MCMBP: variants seen among roughly 807,000 people sequenced by gnomAD.
MCMBP encodes the protein mini-chromosome maintenance complex-binding protein.
MCMBP carries 31 observed loss-of-function variants against 81.3 expected under a neutral mutation model. The observed-to-expected ratio is 0.38, with a 90% CI of 0.29 to 0.51. MCMBP has a LOEUF of 0.51. Ranked by LOEUF, MCMBP falls within the 20% of genes least tolerant of loss-of-function variation. MCMBP has a pLI of 0.87. For synonymous variants in MCMBP, 267 were observed against 275.9 expected, an observed-to-expected ratio of 0.97 and a Z score of 0.32; for missense variants, 645 against 772.1, an observed-to-expected ratio of 0.84 and a Z score of 1.95.
intron 13 of MCMBP, among the ~76,000 whole-genome samples, chr10:119,835,923 G>A (rs925069874): frequency 5.9e-5 from 9 of 152,078 alleles, no homozygotes; most frequent in African/African-American, 2.2e-4. Flanking sequence ...ACTGCAACCT[G>A]CTTCCCAGGC....
Position 119,872,589 on chromosome 10 carries a change from CCAGGGG to C in MCMBP, c.-11_-6del. On this transcript the variant is annotated 5_prime_UTR_variant, in exon 1 of 16. Coordinates refer to ENST00000369077, the MANE Select transcript of MCMBP (RefSeq NM_001256378.2). ...CCAATCCTCCCCACACGGCATCTCG[CCAGGGG>C]CCGGGGCCGGCGAAGACCGGGCGGA... 8.5e-7 allele frequency: 1 copy of C among 1,175,402 alleles called. No homozygotes were observed. The highest frequency in any genetic ancestry group is 1.1e-6 in the Non-Finnish European group (1 of 944,452). 72.8% of individuals were successfully genotyped at this position (1,175,402 alleles called of 1,614,324 possible).
At chr10:119,853,268 T>C (rs1852897883) in intron 5 of MCMBP, 74 bp from the exon 6 acceptor site, 4 of 1,459,400 alleles carry the variant, frequency 2.7e-6, no homozygotes, top group East Asian at 2.3e-5. Context: ...ATATGACTTA[T>C]AAAAAATTAC....
Position 119,857,384 on chromosome 10 carries a change from G to T in MCMBP, c.383C>A (p.Thr128Asn). The T allele has an allele frequency of 6.2e-7, 1 of 1,611,648 alleles. No homozygotes were observed. The highest frequency in any genetic ancestry group is 8.5e-7 in the Non-Finnish European group (1 of 1,178,256). ...CCCAGGCACCGGAACACAATAGAAAGTCTGTCTTTCCAAAGTGGTATTTCG... is the reference window on the plus strand; with the variant it reads ...CCCAGGCACCGGAACACAATAGAAATTCTGTCTTTCCAAAGTGGTATTTCG... Reference protein sequence around the residue: ...SPRNTTLERQTFYCVPVPGES... With the variant: ...SPRNTTLERQNFYCVPVPGES... The change falls in exon 5 of 16, where the codon ACT becomes AAT. Residue 128 changes from threonine to asparagine, a missense_variant. Physicochemically the swap from Thr to Asn is moderately conservative, Grantham distance 65. Transcript: ENST00000369077.
In MCMBP at chr10:119,853,072, T is replaced by C. The variant is rs757263981; in HGVS notation, c.552A>G (p.Gln184=). 2 of 1,614,190 alleles carry C rather than the reference T, an allele frequency of 1.2e-6. No homozygotes were observed. The highest frequency in any genetic ancestry group is 2.2e-5 in the South Asian group (2 of 91,086). Residue 184 remains glutamine (Q), a synonymous_variant, in exon 6 of 16, where the codon CAA becomes CAG. Coordinates refer to ENST00000369077, the MANE Select transcript of MCMBP (RefSeq NM_001256378.2). The part of the protein sequence containing the change: ...MDLQPNKQKD[Q]HAGARQAGSV... ...TACCTGCTTGTCTGGCACCTGCATG[T>C]TGGTCTTTCTGCTTATTGGGCTGTA...
chr10:119,848,866 A>G (rs1440367247), intron 7 of MCMBP, among the ~76,000 whole-genome samples: 1 of 152,222 alleles, frequency 6.6e-6, no homozygotes, highest in African/African-American at 2.4e-5. Flanking sequence ...TTATGTTAGA[A>G]ATGATACAGG....
At chr10:119,836,133 G>A (rs1852233268) in intron 13 of MCMBP, among the ~76,000 whole-genome samples, 2 of 152,192 alleles carry the variant, frequency 1.3e-5, no homozygotes, top group Non-Finnish European at 2.9e-5. Flanking sequence ...CGCAGCCAGT[G>A]AGCATCTATT....
chr10:119,831,539 G>T lies in MCMBP; in HGVS notation c.1858C>A (p.Gln620Lys), dbSNP rs763076764. The T allele has an allele frequency of 6.2e-7, 1 of 1,614,034 alleles. No homozygotes were observed. The change falls in exon 16 of 16, where the codon CAG becomes AAG. Residue 620 changes from glutamine (Q) to lysine (K), a missense_variant. Transcript: ENST00000369077. ...CTCGTTCTTCTTAAAGACTCTAGCTGCTTTGCTCTCAGCCATCGTTCTCTT... is the reference window on the plus strand; with the variant it reads ...CTCGTTCTTCTTAAAGACTCTAGCTTCTTTGCTCTCAGCCATCGTTCTCTT... ...LSRERWLRAK[Q>K]LESLRRTRLQ... is the part of the protein sequence containing the mutation.
intron 1 of MCMBP, among the ~76,000 whole-genome samples, chr10:119,861,547 T>G (rs1376263009): frequency 6.6e-6 from 1 of 150,752 alleles, no homozygotes; most frequent in Non-Finnish European, 1.5e-5. Context: ...AAAAGATAAG[T>G]GGGTATTTTC....
At chr10:119,871,944 A>G (rs1853688861) in intron 1 of MCMBP, among the ~76,000 whole-genome samples, 1 of 152,324 alleles carries the variant, frequency 6.6e-6, no homozygotes, top group East Asian at 1.9e-4. Flanking sequence ...CTGGCACAGG[A>G]GCAGATCCAG....
chr10:119,850,016 C>T (rs1852751690), intron 6 of MCMBP, among the ~76,000 whole-genome samples: 1 of 152,082 alleles, frequency 6.6e-6, no homozygotes, highest in Non-Finnish European at 1.5e-5. Flanking sequence ...TATTAATATC[C>T]AGTATGTACC....
At chr10:119,838,822 T>C (rs1852338804) in intron 11 of MCMBP, 122 bp from the exon 12 acceptor site, 1 of 828,348 alleles carries the variant, frequency 1.2e-6, no homozygotes, top group Admixed American at 3.0e-5. Context: ...TCTAAGGGAG[T>C]AGTGATATGG....
Position 119,849,461 on chromosome 10 carries a change from T to C in MCMBP, c.690A>G (p.Pro230=). ...ATGCAGGGCCCTTCTCTCCTGGCAATGGAAAATTCAAATCAAAAGGAGAAG... is the reference window on the plus strand; with the variant it reads ...ATGCAGGGCCCTTCTCTCCTGGCAACGGAAAATTCAAATCAAAAGGAGAAG... ...NLSSPFDLNF[P]LPGEKGPACL... is the part of the protein sequence containing the mutation. The change falls in exon 7 of 16, where the codon CCA becomes CCG. Residue 230 remains proline (P), a synonymous_variant. Coordinates refer to ENST00000369077, the MANE Select transcript of MCMBP (RefSeq NM_001256378.2). 1 of 1,611,376 alleles carries C rather than the reference T, an allele frequency of 6.2e-7. No individual in the cohort carries two copies. Among genetic ancestry groups the C allele is most frequent in the African/African-American group, 1.3e-5 (1 of 74,742 alleles).
chr10:119,840,022 T>C (rs962154873), intron 11 of MCMBP, among the ~76,000 whole-genome samples: 5 of 152,228 alleles, frequency 3.3e-5, no homozygotes, highest in Admixed American at 3.3e-4. Flanking sequence ...TCACTAATCA[T>C]TTTTGGCTTG....
chr10:119,863,144 TTTTTAA>T (rs956775902), intron 1 of MCMBP, among the ~76,000 whole-genome samples: 4 of 152,130 alleles, frequency 2.6e-5, no homozygotes, highest in Non-Finnish European at 4.4e-5. Flanking sequence ...AGAACAAAGG[TTTTTAA>T]TTTTGATGAA....
At chr10:119,842,636 A>G in intron 9 of MCMBP, 41 bp from the exon 10 acceptor site, 1 of 1,592,612 alleles carries the variant, frequency 6.3e-7, no homozygotes, top group Non-Finnish European at 8.5e-7. Flanking sequence ...CACACACTCC[A>G]GTTCCTCTCA....
At chr10:119,852,186 C>T in intron 6 of MCMBP, among the ~76,000 whole-genome samples, 1 of 140,072 alleles carries the variant, frequency 7.1e-6, no homozygotes, top group African/African-American at 2.6e-5. Flanking sequence ...AAAAAGCCTT[C>T]TCTACCCAAT....
At chr10:119,850,897 C>T (rs535478114) in intron 6 of MCMBP, among the ~76,000 whole-genome samples, 133 of 117,210 alleles carry the variant, frequency 1.1e-3, no homozygotes, top group Admixed American at 2.4e-3. Flanking sequence ...TTTTTTGAGA[C>T]AGAGTCTCAC....
chr10:119,854,901 C>A (rs2134381332), intron 5 of MCMBP, among the ~76,000 whole-genome samples: 1 of 150,914 alleles, frequency 6.6e-6, no homozygotes, highest in East Asian at 1.9e-4. Flanking sequence ...TTGCAGTGAG[C>A]CGAAATTGCA....
At chr10:119,872,023 G>A (rs1853692466) in intron 1 of MCMBP, among the ~76,000 whole-genome samples, 1 of 152,210 alleles carries the variant, frequency 6.6e-6, no homozygotes, top group South Asian at 2.1e-4. Context: ...ATCTCTGAAA[G>A]AGAGAATGAG....
Sources: allele counts gnomAD v4.1 joint callset (sites outside exome capture counted in the v4.1 genomes callset), GRCh38; gene constraint gnomAD v4.1.1; transcripts MANE v1.5; gene names NCBI Gene and HGNC (gene_info 2026-07-23, HGNC 2026-07-21).